CFAP54: variants seen among roughly 807,000 people sequenced by gnomAD.
CFAP54 encodes cilia- and flagella-associated protein 54.
Under a neutral mutation model 370.4 loss-of-function variants are expected in CFAP54, and 290 were observed. The ratio of observed to expected loss-of-function variants is 0.78; its 90% CI spans 0.71 to 0.86. The LOEUF (loss-of-function observed/expected upper bound fraction) is 0.86, where lower values mean the gene tolerates loss of function less well. CFAP54 is among the 40% of genes least tolerant of loss of function. CFAP54 has a pLI of 0.00. For synonymous variants in CFAP54, 1,206 were observed against 1,236.5 expected (o/e 0.98, Z 0.52); for missense variants, 3,399 against 3,528.7 (o/e 0.96, Z 0.93).
intron 48 of CFAP54, among the ~76,000 whole-genome samples, chr12:96,711,116 C>G (rs1287544220): frequency 1.3e-5 from 2 of 152,122 alleles, no homozygotes; most frequent in Non-Finnish European, 2.9e-5. Flanking sequence ...TTATCTATTT[C>G]TTGACTCAGT....
At chr12:96,497,300 T>C (rs191374646) in intron 1 of CFAP54, among the ~76,000 whole-genome samples, 1 of 152,272 alleles carries the variant, frequency 6.6e-6, no homozygotes, top group African/African-American at 2.4e-5. Flanking sequence ...AAGGTACATA[T>C]ATAGGCAAGA....
chr12:96,683,934 G>T (rs139260893), intron 40 of CFAP54, among the ~76,000 whole-genome samples: 2,798 of 152,226 alleles, frequency 0.018, 103 homozygotes, highest in African/African-American at 0.065. Context: ...TGGGATTACA[G>T]GCATGTGCCA....
At chr12:96,547,077 G>T (rs1565892416) in intron 14 of CFAP54, among the ~76,000 whole-genome samples, 1 of 152,146 alleles carries the variant, frequency 6.6e-6, no homozygotes, top group Non-Finnish European at 1.5e-5. Flanking sequence ...TAACTTCTAA[G>T]AATGTTATTC....
chr12:96,674,128 C>T (rs1287014019), intron 39 of CFAP54, among the ~76,000 whole-genome samples: 1 of 152,078 alleles, frequency 6.6e-6, no homozygotes, highest in Non-Finnish European at 1.5e-5. Flanking sequence ...GTTATTCAGT[C>T]CTCAGGTGTG....
intron 42 of CFAP54, 138 bp from the exon 43 acceptor site, chr12:96,688,778 C>A (rs574835501): frequency 4.2e-5 from 19 of 453,114 alleles, no homozygotes; most frequent in Non-Finnish European, 6.9e-5. Flanking sequence ...ATATATTTTC[C>A]TTCTATTTTC....
At chr12:96,775,875 T>C (rs962292667) in intron 60 of CFAP54, among the ~76,000 whole-genome samples, 1 of 152,258 alleles carries the variant, frequency 6.6e-6, no homozygotes, top group African/African-American at 2.4e-5. Flanking sequence ...CATTTTTGCA[T>C]GTTTTTATTT....
chr12:96,567,847 A>G (rs1227179705), intron 19 of CFAP54, among the ~76,000 whole-genome samples: 2 of 152,054 alleles, frequency 1.3e-5, no homozygotes, highest in Non-Finnish European at 2.9e-5. Context: ...CAGTGTGGGC[A>G]GGAACATCTT....
intron 1 of CFAP54, among the ~76,000 whole-genome samples, chr12:96,497,405 C>G (rs184619119): frequency 1.1e-3 from 166 of 152,230 alleles, no homozygotes; most frequent in Non-Finnish European, 1.4e-3. Flanking sequence ...CTACAGTATT[C>G]AAGATAGTGT....
intron 14 of CFAP54, among the ~76,000 whole-genome samples, chr12:96,546,507 A>G (rs1345876855): frequency 6.6e-6 from 1 of 152,076 alleles, no homozygotes; most frequent in African/African-American, 2.4e-5. Flanking sequence ...ATTTTTCTAC[A>G]TTATGCATTA....
At position 96,860,809 on chromosome 12, in the gene CFAP54, T is replaced by C; in HGVS notation, c.9172-10T>C. ...ATGCATTTCATGAACACTTTTATGT[T>C]TTTCCTCAGGTCCCATTTGATATCT... On this transcript the variant is annotated splice_polypyrimidine_tract_variant and intron_variant, in intron 66 of 67. Coordinates refer to ENST00000524981, the MANE Select transcript of CFAP54 (RefSeq NM_001306084.2). The C allele has an allele frequency of 6.6e-7, 1 of 1,522,754 alleles. No individual in the cohort carries two copies. Among genetic ancestry groups the C allele is most frequent in the Non-Finnish European group, 8.8e-7 (1 of 1,142,282 alleles). 94.3% of individuals were successfully genotyped at this position (1,522,754 alleles called of 1,614,324 possible).
chr12:96,648,580 CTTTTTTT>C (rs11303164), intron 34 of CFAP54, among the ~76,000 whole-genome samples: 1 of 58,666 alleles, frequency 1.7e-5, no homozygotes. Context: ...AAACAGGGTT[CTTTTTTT>C]TTTTTTTTTT....
At chr12:96,539,347 C>A (rs1239137213) in intron 13 of CFAP54, among the ~76,000 whole-genome samples, 1 of 152,002 alleles carries the variant, frequency 6.6e-6, no homozygotes, top group Non-Finnish European at 1.5e-5. Context: ...ATGTGAGCCC[C>A]TGCGCCCGGC....
At chr12:96,829,736 T>G (rs1003506656) in intron 66 of CFAP54, among the ~76,000 whole-genome samples, 4 of 151,844 alleles carry the variant, frequency 2.6e-5, no homozygotes, top group Non-Finnish European at 5.9e-5. Flanking sequence ...ATTTAAAGTT[T>G]TAACCATTTT....
At chr12:96,814,377 C>T (rs2136731081) in intron 64 of CFAP54, among the ~76,000 whole-genome samples, 1 of 152,274 alleles carries the variant, frequency 6.6e-6, no homozygotes, top group South Asian at 2.1e-4. Context: ...TCCAGTCTTA[C>T]AGTAGAAGGA....
chr12:96,495,509 C>T lies in CFAP54; in HGVS notation c.318-5325C>T, dbSNP rs1437696253. Among the ~76,000 whole-genome samples the T allele has an allele frequency of 4.7e-5, 7 of 148,464 alleles. No individual in the cohort carries two copies. In the South Asian group the frequency reaches 6.3e-4, roughly 13 times the overall value. On this transcript the variant is annotated intron_variant, in intron 1 of 67. Coordinates refer to ENST00000524981, the MANE Select transcript of CFAP54 (RefSeq NM_001306084.2). The stretch of plus-strand genomic sequence containing the variant: ...TTTGTTTTTTTTTTTTTAGTAGAGA[C>T]GGGATTTCGTGATGTTTCCCAGGCT...
rs115463895 is a variant in CFAP54 at position 96,870,335 on chromosome 12, C to T, written c.*15-4783C>T. Among the ~76,000 whole-genome samples the T allele has an allele frequency of 6.9e-3, 1,056 of 152,206 alleles. 9 individuals carry two copies. Among genetic ancestry groups the T allele is most frequent in the African/African-American group, 0.023 (976 of 41,542 alleles). On this transcript the variant is annotated intron_variant, in intron 67 of 67. Coordinates refer to ENST00000524981, the MANE Select transcript of CFAP54 (RefSeq NM_001306084.2). ...AGTTACTTAGTTGAATTCTCTACTA[C>T]AAGCTTAAGTCTCCTCTAAGTTGTT... is the stretch of plus-strand genomic sequence containing the variant.
chr12:96,790,257 G>A (rs1416403362), intron 62 of CFAP54, among the ~76,000 whole-genome samples: 1 of 152,154 alleles, frequency 6.6e-6, no homozygotes, highest in East Asian at 1.9e-4. Flanking sequence ...TATCTGACTA[G>A]TGTGAGCTGC....
chr12:96,694,060 A>G (rs1162435498), intron 45 of CFAP54, among the ~76,000 whole-genome samples: 1 of 152,208 alleles, frequency 6.6e-6, no homozygotes, highest in African/African-American at 2.4e-5. Flanking sequence ...CCCAACACCA[A>G]CTGGCCTGGA....
At chr12:96,653,678 T>C (rs1185824076) in intron 36 of CFAP54, among the ~76,000 whole-genome samples, 1 of 151,858 alleles carries the variant, frequency 6.6e-6, no homozygotes, top group East Asian at 1.9e-4. Flanking sequence ...TAATATCAAT[T>C]ATCTAAATGT....
Sources: gnomAD v4.1 joint callset for allele counts (sites outside exome capture counted in the v4.1 genomes callset) on GRCh38, gnomAD v4.1.1 for gene constraint, MANE v1.5 for transcripts, NCBI Gene and HGNC (gene_info 2026-07-23, HGNC 2026-07-21) for gene names.